TCF20: variants seen among roughly 807,000 people sequenced by gnomAD.
TCF20 encodes SPRE-binding protein.
A neutral mutation model predicts 148.6 loss-of-function variants in TCF20; 3 were observed. The ratio of observed to expected loss-of-function variants is 0.02; its 90% CI spans 0.01 to 0.05. The LOEUF (loss-of-function observed/expected upper bound fraction) is 0.05, where lower values mean the gene tolerates loss of function less well. TCF20 is among the 10% of genes least tolerant of loss of function. TCF20 has a pLI of 1.00. For synonymous variants in TCF20, 1,049 were observed against 909.5 expected, an observed-to-expected ratio of 1.15 and a Z score of -2.76; for missense variants, 2,350 against 2,429.3, an observed-to-expected ratio of 0.97 and a Z score of 0.69.
At chr22:42,246,947 C>G (rs1419249901) in intron 1 of TCF20, among the ~76,000 whole-genome samples, 1 of 114,600 alleles carries the variant, frequency 8.7e-6, no homozygotes, top group South Asian at 2.7e-4. Context: ...GCCTGGGGGA[C>G]AGAGCAAGAC....
chr22:42,250,939 T>C (rs970636225), intron 1 of TCF20, among the ~76,000 whole-genome samples: 5 of 152,030 alleles, frequency 3.3e-5, no homozygotes, highest in African/African-American at 4.8e-5. Context: ...GTGCCACACT[T>C]TTAAAACAGC....
chr22:42,272,253 C>T (rs149841339), upstream of TCF20, among the ~76,000 whole-genome samples: 1,063 of 152,350 alleles, frequency 7.0e-3, 17 homozygotes, highest in Non-Finnish European at 0.012. Flanking sequence ...AGACCAGTAC[C>T]TGGCTTCTCC....
Position 42,211,970 on chromosome 22 carries a change from T to C in TCF20, c.3336A>G (p.Ala1112=), listed in dbSNP as rs1232699048. 6.2e-6 allele frequency: 10 copies of C among 1,614,206 alleles called. No individual in the cohort carries two copies. Among genetic ancestry groups the C allele is most frequent in the Non-Finnish European group, 8.5e-6 (10 of 1,180,032 alleles). Residue 1112 remains alanine, a synonymous_variant, in exon 2 of 6, where the codon GCA becomes GCG. Transcript: ENST00000677622. ...SGSAQGVIAA[A]QHRQEGPRKS... Reference sequence around the variant, plus strand: ...TCCGTGGCCCCTCCTGCCTGTGCTGTGCTGCAGCAATTACTCCCTGAGCAG... The same window carrying C: ...TCCGTGGCCCCTCCTGCCTGTGCTGCGCTGCAGCAATTACTCCCTGAGCAG...
rs887672478 is a variant in TCF20 at position 42,338,452 on chromosome 22, C to T, written c.-37+5027G>A. Among the ~76,000 whole-genome samples the T allele has an allele frequency of 1.3e-5, 2 of 152,216 alleles. No homozygotes were observed. Among genetic ancestry groups the T allele is most frequent in the Non-Finnish European group, 2.9e-5 (2 of 68,036 alleles). On this transcript the variant is annotated intron_variant, in intron 1 of 1. Coordinates refer to the TCF20 transcript ENST00000515426. The surrounding 1 kb of genome is among the most constrained non-coding windows in gnomAD (Gnocchi z 4.0). ...TGCCCAGGGGGCCTCAGCAGAGCCCCGTCCCTCCCGGCAGCCCGGCCTGCA... is the reference window on the plus strand; with the variant it reads ...TGCCCAGGGGGCCTCAGCAGAGCCCTGTCCCTCCCGGCAGCCCGGCCTGCA...
At chr22:42,205,384 G>A (rs1157834120) in intron 2 of TCF20, among the ~76,000 whole-genome samples, 1 of 151,134 alleles carries the variant, frequency 6.6e-6, no homozygotes, top group East Asian at 2.0e-4. Flanking sequence ...GTGACACAGG[G>A]AGAGGAGCAA....
At chr22:42,184,351 CA>C (rs1372313726) in intron 2 of TCF20, among the ~76,000 whole-genome samples, 8 of 152,132 alleles carry the variant, frequency 5.3e-5, no homozygotes, top group Non-Finnish European at 1.0e-4. Context: ...TTCATTCACT[CA>C]ACTATCCAAC....
chr22:42,219,244 C>CA (rs1922104810), intron 1 of TCF20, among the ~76,000 whole-genome samples: 1 of 150,146 alleles, frequency 6.7e-6, no homozygotes, highest in Admixed American at 6.7e-5. Flanking sequence ...CCTACAGTCC[C>CA]AGCTGCTCAA....
intron 1 of TCF20, among the ~76,000 whole-genome samples, chr22:42,226,232 G>C (rs997727298): frequency 6.6e-6 from 1 of 152,194 alleles, no homozygotes; most frequent in South Asian, 2.1e-4. Flanking sequence ...CTAGCTAGAG[G>C]CTCCTGTGGG....
At chr22:42,204,452 G>A (rs573086716) in intron 2 of TCF20, among the ~76,000 whole-genome samples, 2 of 152,242 alleles carry the variant, frequency 1.3e-5, no homozygotes, top group South Asian at 4.1e-4. Flanking sequence ...CCGAGATCAT[G>A]CCACTGCACT....
chr22:42,173,626 G>T (rs1326517013), intron 3 of TCF20, among the ~76,000 whole-genome samples: 3 of 152,140 alleles, frequency 2.0e-5, no homozygotes, highest in Non-Finnish European at 4.4e-5. Context: ...TTGTTTCCTG[G>T]ATACAAAGTT....
At position 42,212,525 on chromosome 22, in the gene TCF20, C is replaced by G; in HGVS notation, c.2781G>C (p.Gln927His). The change falls in exon 2 of 6, where the codon CAG becomes CAC. Residue 927 changes from glutamine to histidine, a missense_variant. This residue lies in a region of TCF20 where 1,641 missense variants were observed against 1,662.6 expected (regional missense o/e 0.99). Coordinates refer to ENST00000677622, the MANE Select transcript of TCF20 (RefSeq NM_001378418.1). The stretch of plus-strand genomic sequence containing the variant: ...ACTGTTCAAAGTCTTCCTCTTTTAT[C>G]TGCCCGCTCTGGGATTTCAGCTTGG... ...METKLKSQSG[Q>H]IKEEDFEQSK... The G allele has an allele frequency of 2.5e-6, 4 of 1,614,124 alleles. No individual in the cohort carries two copies. The highest frequency in any genetic ancestry group is 3.4e-6 in the Non-Finnish European group (4 of 1,179,938).
At position 42,297,395 on chromosome 22, in the gene TCF20, A is replaced by G. The variant is rs962969989; in HGVS notation, c.-37+46084T>C. ...AGGAGTGGGTCCTCATTTGCATTAGACGGTAAATCTAAGGACACTGGTTGT... is the reference window on the plus strand; with the variant it reads ...AGGAGTGGGTCCTCATTTGCATTAGGCGGTAAATCTAAGGACACTGGTTGT... On this transcript the variant is annotated intron_variant, in intron 1 of 1. Coordinates refer to the TCF20 transcript ENST00000515426. The surrounding 1 kb of genome is among the most constrained non-coding windows in gnomAD (Gnocchi z 4.3). 2.4e-4 allele frequency among the ~76,000 whole-genome samples: 37 copies of G among 152,188 alleles called. No individual in the cohort carries two copies. The highest frequency in any genetic ancestry group is 8.7e-4 in the African/African-American group (36 of 41,440).
chr22:42,302,737 C>T (rs1927360130), intron 1 of TCF20, among the ~76,000 whole-genome samples: 2 of 152,242 alleles, frequency 1.3e-5, no homozygotes, highest in African/African-American at 4.8e-5. Context: ...CCACCCACTA[C>T]ACTCAAATCA....
chr22:42,254,504 C>T (rs1925610976), intron 1 of TCF20, among the ~76,000 whole-genome samples: 1 of 152,190 alleles, frequency 6.6e-6, no homozygotes, highest in Admixed American at 6.5e-5. Flanking sequence ...GCCCTTGTAA[C>T]AGTGTTTTGT....
At chr22:42,271,240 G>A (rs1179580676), upstream of TCF20, among the ~76,000 whole-genome samples, 1 of 152,268 alleles carries the variant, frequency 6.6e-6, no homozygotes, top group African/African-American at 2.4e-5. Flanking sequence ...AACGACTTGG[G>A]TCCTCTCAGA....
intron 5 of TCF20, among the ~76,000 whole-genome samples, chr22:42,164,731 G>C (rs1456481600): frequency 6.6e-6 from 1 of 152,224 alleles, no homozygotes; most frequent in African/African-American, 2.4e-5. Flanking sequence ...GGGGGCAATG[G>C]AGACAAGGAT....
chr22:42,196,790 C>T (rs1272538221), intron 2 of TCF20, among the ~76,000 whole-genome samples: 1 of 152,162 alleles, frequency 6.6e-6, no homozygotes, highest in Non-Finnish European at 1.5e-5. Flanking sequence ...GCCTCCACCG[C>T]TGAACAATGT....
At position 42,338,046 on chromosome 22, in the gene TCF20, G is replaced by A. The variant is rs1030013014; in HGVS notation, c.-37+5433C>T. 6.6e-6 allele frequency among the ~76,000 whole-genome samples: 1 copy of A among 152,164 alleles called. No individual in the cohort carries two copies. Among genetic ancestry groups the A allele is most frequent in the Admixed American group, 6.6e-5 (1 of 15,264 alleles). Reference sequence around the variant, plus strand: ...ACCAGTCACTGTGGCCAGAGGGAGGGGGTACTGGGCCCCACCTGGGTCCAG... The same window carrying A: ...ACCAGTCACTGTGGCCAGAGGGAGGAGGTACTGGGCCCCACCTGGGTCCAG... On this transcript the variant is annotated intron_variant, in intron 1 of 1. Transcript: ENST00000515426. The surrounding 1 kb of genome is among the most constrained non-coding windows in gnomAD (Gnocchi z 4.0).
At chr22:42,191,436 C>T (rs564187369) in intron 2 of TCF20, among the ~76,000 whole-genome samples, 1 of 152,190 alleles carries the variant, frequency 6.6e-6, no homozygotes, top group South Asian at 2.1e-4. Context: ...TTACAGGCAC[C>T]CACCATCACG....
Sources: allele counts gnomAD v4.1 joint callset (sites outside exome capture counted in the v4.1 genomes callset), GRCh38; gene constraint gnomAD v4.1.1; regional missense constraint gnomAD v4.1.1; non-coding constraint Gnocchi (gnomAD v3.1); transcripts MANE v1.5; gene names NCBI Gene and HGNC (gene_info 2026-07-23, HGNC 2026-07-21).